The following ENOX1 variants were observed in gnomAD, a reference collection of about 807,000 sequenced individuals.
ENOX1 encodes the protein ecto-NOX disulfide-thiol exchanger 1, also known as candidate growth-related and time keeping constitutive hydroquinone (NADH) oxidase.
Under a neutral mutation model 82.5 loss-of-function variants are expected in ENOX1, and 42 were observed. That is an observed-to-expected ratio of 0.51 (90% CI 0.40 to 0.66). The LOEUF (loss-of-function observed/expected upper bound fraction) is 0.66. Ranked by LOEUF, ENOX1 falls within the 30% of genes least tolerant of loss-of-function variation. ENOX1 has a pLI of 0.00. For synonymous variants in ENOX1, 271 were observed against 282.2 expected, an observed-to-expected ratio of 0.96 and a Z score of 0.40; for missense variants, 608 against 811.6, an observed-to-expected ratio of 0.75 and a Z score of 3.05.
chr13:43,470,226 A>ATG lies in ENOX1; in HGVS notation c.-75+13781_-75+13782dup, dbSNP rs373417287. On this transcript the variant is annotated intron_variant, in intron 3 of 16. Transcript: ENST00000690772. ...TATGTGTATATATATATGTGTGTGTATGTGTGTGTGTGTATATATATACAT... is the reference window on the plus strand; with the variant it reads ...TATGTGTATATATATATGTGTGTGTATGTGTGTGTGTGTGTATATATATACAT... Among the ~76,000 whole-genome samples the ATG allele has an allele frequency of 4.7e-4, 27 of 57,762 alleles. 2 individuals are homozygous for ATG. The South Asian group carries it at 0.016, about 34-fold the overall frequency. The allele number at this position is 57,762 out of a possible 152,430, so 37.9% of individuals were successfully genotyped here. A position where few individuals can be genotyped will look rare whatever the true frequency, so the allele number is the denominator to read the frequency against.
chr13:43,370,231 G>A (rs2051138190), intron 5 of ENOX1, among the ~76,000 whole-genome samples: 2 of 152,222 alleles, frequency 1.3e-5, no homozygotes, highest in African/African-American at 4.8e-5. Flanking sequence ...GCTGGGAGTG[G>A]TGGCGGGCAC....
intron 2 of ENOX1, among the ~76,000 whole-genome samples, chr13:43,508,851 T>C (rs2077268809): frequency 6.6e-6 from 1 of 151,962 alleles, no homozygotes; most frequent in Admixed American, 6.6e-5. Flanking sequence ...GGGCAGTAAG[T>C]CTAGAGGTGG....
intron 1 of ENOX1, among the ~76,000 whole-genome samples, chr13:43,754,185 GTATA>G (rs1441578239): frequency 8.2e-6 from 1 of 121,340 alleles, no homozygotes; most frequent in Non-Finnish European, 1.8e-5. Context: ...ACGTATGTAT[GTATA>G]TATACATATG....
intron 2 of ENOX1, among the ~76,000 whole-genome samples, chr13:43,509,718 G>A (rs554495380): frequency 6.6e-6 from 1 of 152,184 alleles, no homozygotes; most frequent in East Asian, 1.9e-4. Flanking sequence ...TTTGCTTTGT[G>A]TTTAAACCAA....
intron 2 of ENOX1, among the ~76,000 whole-genome samples, chr13:43,536,199 C>A (rs2078452903): frequency 2.0e-5 from 3 of 152,162 alleles, no homozygotes; most frequent in Admixed American, 2.0e-4. Context: ...TATAATGCTG[C>A]ATCATTTACT....
At chr13:43,503,160 G>A (rs927966344) in intron 2 of ENOX1, among the ~76,000 whole-genome samples, 4 of 151,360 alleles carry the variant, frequency 2.6e-5, no homozygotes, top group Non-Finnish European at 4.4e-5. Flanking sequence ...CTTTACCAAG[G>A]AGGTGAAAGA....
chr13:43,588,963 G>A (rs945970283), intron 2 of ENOX1, among the ~76,000 whole-genome samples: 5 of 152,070 alleles, frequency 3.3e-5, no homozygotes, highest in African/African-American at 1.2e-4. Context: ...AAAGAGCACT[G>A]GTACAGATTT....
At chr13:43,559,637 C>G (rs941337562) in intron 2 of ENOX1, among the ~76,000 whole-genome samples, 1 of 152,084 alleles carries the variant, frequency 6.6e-6, no homozygotes, top group Non-Finnish European at 1.5e-5. Context: ...GAACAAGACC[C>G]CAAACTGCAG....
At chr13:43,216,210 G>C (rs1255709058) in intron 16 of ENOX1, among the ~76,000 whole-genome samples, 1 of 152,074 alleles carries the variant, frequency 6.6e-6, no homozygotes, top group Non-Finnish European at 1.5e-5. Context: ...AAAAAAATGG[G>C]GACTTAAGCC....
At chr13:43,708,638 G>A (rs2087479533) in intron 1 of ENOX1, among the ~76,000 whole-genome samples, 1 of 152,094 alleles carries the variant, frequency 6.6e-6, no homozygotes, top group Admixed American at 6.5e-5. Context: ...GAAGCACCAA[G>A]GTAATTCAAT....
At chr13:43,597,465 ACAATACATC>A (rs1197507155) in intron 2 of ENOX1, among the ~76,000 whole-genome samples, 1 of 152,156 alleles carries the variant, frequency 6.6e-6, no homozygotes, top group African/African-American at 2.4e-5. Flanking sequence ...CCTGTCACAC[ACAATACATC>A]CAATCCATCA....
chr13:43,453,037 T>G (rs1022573725), intron 3 of ENOX1, among the ~76,000 whole-genome samples: 1 of 152,240 alleles, frequency 6.6e-6, no homozygotes, highest in Admixed American at 6.5e-5. Flanking sequence ...AAGCTATGAA[T>G]GCAAGTCCAA....
chr13:43,334,764 C>T (rs1017630527), intron 9 of ENOX1, among the ~76,000 whole-genome samples: 8 of 152,136 alleles, frequency 5.3e-5, no homozygotes, highest in Admixed American at 3.3e-4. Context: ...CAGGCTGGAA[C>T]CAATTTCTCT....
intron 1 of ENOX1, among the ~76,000 whole-genome samples, chr13:43,708,257 T>G (rs2087452739): frequency 6.6e-6 from 1 of 152,198 alleles, no homozygotes; most frequent in Non-Finnish European, 1.5e-5. Flanking sequence ...ACATTGGGCA[T>G]GCAGCCCCTC....
intron 2 of ENOX1, among the ~76,000 whole-genome samples, chr13:43,525,203 T>C (rs1040299475): frequency 6.6e-6 from 1 of 152,104 alleles, no homozygotes; most frequent in Non-Finnish European, 1.5e-5. Flanking sequence ...TCACCATCCA[T>C]CCACGGAACT....
intron 2 of ENOX1, among the ~76,000 whole-genome samples, chr13:43,505,484 A>G (rs2077121746): frequency 6.6e-6 from 1 of 152,016 alleles, no homozygotes; most frequent in African/African-American, 2.4e-5. Context: ...TAATTGTATA[A>G]CACTTACTGA....
chr13:43,423,362 A>T (rs1339124441), intron 3 of ENOX1, among the ~76,000 whole-genome samples: 4 of 152,218 alleles, frequency 2.6e-5, no homozygotes, highest in Non-Finnish European at 5.9e-5. Context: ...AGTAAACATA[A>T]GCCTGGATCC....
At chr13:43,495,225 T>C (rs1048449312) in intron 2 of ENOX1, among the ~76,000 whole-genome samples, 1 of 152,152 alleles carries the variant, frequency 6.6e-6, no homozygotes, top group Non-Finnish European at 1.5e-5. Context: ...GCACTGATTT[T>C]AGGTGTACAG....
chr13:43,422,867 A>G (rs1047636009), intron 3 of ENOX1, among the ~76,000 whole-genome samples: 2 of 152,222 alleles, frequency 1.3e-5, no homozygotes, highest in Non-Finnish European at 2.9e-5. Flanking sequence ...TATGCTTTAT[A>G]TATCTAAATT....
Sources: gnomAD v4.1 joint callset for allele counts (sites outside exome capture counted in the v4.1 genomes callset) on GRCh38, gnomAD v4.1.1 for gene constraint, MANE v1.5 for transcripts, NCBI Gene and HGNC (gene_info 2026-07-23, HGNC 2026-07-21) for gene names.